PTPRM: variants seen among roughly 807,000 people sequenced by gnomAD.
PTPRM encodes the protein protein tyrosine phosphatase receptor type M, also known as receptor-type tyrosine-protein phosphatase mu.
Under a neutral mutation model 186.7 loss-of-function variants are expected in PTPRM, and 47 were observed. The observed-to-expected ratio is 0.25, with a 90% CI of 0.20 to 0.32. The LOEUF is 0.32. PTPRM is among the 10% of genes least tolerant of loss of function. The probability of loss-of-function intolerance (pLI) is 1.00; values close to 1 mark genes in which losing one functional copy is unlikely to be tolerated. For synonymous variants in PTPRM, 668 were observed against 674.9 expected (o/e 0.99, Z 0.16); for missense variants, 1,494 against 1,865.0 (o/e 0.80, Z 3.66).
intron 22 of PTPRM, among the ~76,000 whole-genome samples, chr18:8,337,378 C>T (rs977818646): frequency 1.3e-5 from 2 of 152,122 alleles, no homozygotes. Context: ...CTGTTCTTAT[C>T]TTATCTCTAC....
At chr18:7,569,797 T>G (rs2143309594) in intron 1 of PTPRM, among the ~76,000 whole-genome samples, 1 of 152,340 alleles carries the variant, frequency 6.6e-6, no homozygotes, top group South Asian at 2.1e-4. Context: ...CTACTAAAAT[T>G]TAGCCTGATT....
At chr18:8,322,525 G>A (rs565956609) in intron 22 of PTPRM, among the ~76,000 whole-genome samples, 2 of 152,248 alleles carry the variant, frequency 1.3e-5, no homozygotes, top group East Asian at 3.9e-4. Context: ...CAAGATTTAT[G>A]ATTTAGCAAA....
At chr18:7,686,995 G>T (rs2039617647) in intron 1 of PTPRM, among the ~76,000 whole-genome samples, 1 of 152,178 alleles carries the variant, frequency 6.6e-6, no homozygotes, top group Admixed American at 6.5e-5. Flanking sequence ...AATATAAGCT[G>T]TCGTAGAAAG....
chr18:7,814,913 C>T (rs983704086), intron 2 of PTPRM: 1 of 152,176 alleles, frequency 6.6e-6, no homozygotes, highest in African/African-American at 2.4e-5. Context: ...TTTACCCTCC[C>T]AGTCTTAAAT....
At position 8,211,058 on chromosome 18, in the gene PTPRM, A is replaced by T. The variant is rs72897918; in HGVS notation, c.2301-33000A>T. On this transcript the variant is annotated intron_variant, in intron 14 of 32. Coordinates refer to ENST00000580170, the MANE Select transcript of PTPRM (RefSeq NM_001105244.2). Reference sequence around the variant, plus strand: ...AAGAAATCCACACTCATCGATTCAGATAGGATCAAAATCCTCACTGGAACG... The same window carrying T: ...AAGAAATCCACACTCATCGATTCAGTTAGGATCAAAATCCTCACTGGAACG... 5.8e-3 allele frequency among the ~76,000 whole-genome samples: 890 copies of T among 152,328 alleles called. 1 individual carries two copies. Among genetic ancestry groups the T allele is most frequent in the Non-Finnish European group, 9.7e-3 (659 of 68,026 alleles).
At chr18:8,024,681 C>CTTTTTTTT (rs397724573) in intron 7 of PTPRM, among the ~76,000 whole-genome samples, 17 of 124,810 alleles carry the variant, frequency 1.4e-4, no homozygotes, top group Non-Finnish European at 1.6e-4. Context: ...AAACCCAAAT[C>CTTTTTTTT]TTTTTTTTTT....
chr18:7,697,891 T>C (rs1258278999), intron 1 of PTPRM, among the ~76,000 whole-genome samples: 3 of 152,138 alleles, frequency 2.0e-5, no homozygotes, highest in Non-Finnish European at 4.4e-5. Context: ...CTCCAGAAAA[T>C]GCTCCTAAGT....
chr18:7,628,487 T>A (rs56411522), intron 1 of PTPRM, among the ~76,000 whole-genome samples: 13,056 of 152,280 alleles, frequency 0.086, 802 homozygotes, highest in South Asian at 0.2. Flanking sequence ...CGTTTGTCTT[T>A]TGCCATTTTT....
At chr18:8,353,727 A>G (rs1455079411) in intron 23 of PTPRM, among the ~76,000 whole-genome samples, 2 of 152,172 alleles carry the variant, frequency 1.3e-5, no homozygotes, top group Non-Finnish European at 2.9e-5. Flanking sequence ...AAGAAGCTGA[A>G]TGAGCAATAA....
chr18:8,260,621 G>A (rs1254265812), intron 19 of PTPRM, among the ~76,000 whole-genome samples: 1 of 152,030 alleles, frequency 6.6e-6, no homozygotes, highest in Non-Finnish European at 1.5e-5. Context: ...GCCACACCAG[G>A]GACCAGATTT....
At position 7,908,268 on chromosome 18, in the gene PTPRM, G is replaced by C. The variant is rs79384787; in HGVS notation, c.547+1685G>C. 4.6e-5 allele frequency among the ~76,000 whole-genome samples: 7 copies of C among 152,306 alleles called. No individual in the cohort carries two copies. The East Asian group carries it at 1.2e-3, about 25-fold the overall frequency. Reference sequence around the variant, plus strand: ...CCAGACTTCAAATTTTTGGCCATCTGAGGGATGATAACCTGCTTTATTTTT... The same window carrying C: ...CCAGACTTCAAATTTTTGGCCATCTCAGGGATGATAACCTGCTTTATTTTT... On this transcript the variant is annotated intron_variant, in intron 4 of 32. Coordinates refer to ENST00000580170, the MANE Select transcript of PTPRM (RefSeq NM_001105244.2).
chr18:8,367,636 C>T (rs976998104), intron 23 of PTPRM, among the ~76,000 whole-genome samples: 28 of 152,214 alleles, frequency 1.8e-4, no homozygotes, highest in African/African-American at 6.5e-4. Flanking sequence ...GAACTGGGTG[C>T]GGGGGGACAG....
intron 4 of PTPRM, among the ~76,000 whole-genome samples, chr18:7,922,879 G>T (rs748786141): frequency 9.9e-5 from 15 of 152,086 alleles, no homozygotes; most frequent in Non-Finnish European, 1.8e-4. Context: ...AATAATGGGG[G>T]ATGTTTCCGT....
intron 4 of PTPRM, 41 bp downstream of exon 4, chr18:7,906,624 G>T: frequency 6.9e-6 from 10 of 1,440,668 alleles, no homozygotes; most frequent in Non-Finnish European, 9.8e-6. Flanking sequence ...TACATCATTG[G>T]GGGCATGTTT....
chr18:8,397,668 C>A (rs552772345), intron 32 of PTPRM, among the ~76,000 whole-genome samples: 1 of 152,300 alleles, frequency 6.6e-6, no homozygotes, highest in South Asian at 2.1e-4. Context: ...GCCTGAGATT[C>A]CCCACGACTC....
At chr18:8,365,999 C>T (rs1418620476) in intron 23 of PTPRM, among the ~76,000 whole-genome samples, 2 of 152,108 alleles carry the variant, frequency 1.3e-5, no homozygotes, top group Admixed American at 6.5e-5. Flanking sequence ...GAGAGGGGGG[C>T]TTCAATAAAC....
chr18:7,912,169 C>T (rs1275857860), intron 4 of PTPRM, among the ~76,000 whole-genome samples: 1 of 152,014 alleles, frequency 6.6e-6, no homozygotes, highest in African/African-American at 2.4e-5. Flanking sequence ...TCAATTCTTA[C>T]TTACAGGTCT....
In PTPRM at chr18:8,343,346, T is replaced by C; in HGVS notation, c.2957-77T>C. 6 of 1,222,204 alleles carry C rather than the reference T, an allele frequency of 4.9e-6. No individual in the cohort carries two copies. In the East Asian group the frequency reaches 9.3e-5, roughly 19 times the overall value. The allele number at this position is 1,222,204 out of a possible 1,614,324, so 75.7% of individuals were successfully genotyped here. On this transcript the variant is annotated intron_variant, in intron 22 of 32. Coordinates refer to ENST00000580170, the MANE Select transcript of PTPRM (RefSeq NM_001105244.2). ...GGAACTGCATGTGGGTATTAATAGA[T>C]GTATTTGTAAGCCCCGGAAATTTTC... is the stretch of plus-strand genomic sequence containing the variant.
chr18:8,038,380 A>ATT (rs10708528), intron 7 of PTPRM, among the ~76,000 whole-genome samples: 3,250 of 124,322 alleles, frequency 0.026, 147 homozygotes, highest in African/African-American at 0.079. Flanking sequence ...TAGCTTTTAG[A>ATT]TTTTTTTTTT....
Sources: allele counts gnomAD v4.1 joint callset (sites outside exome capture counted in the v4.1 genomes callset), GRCh38; gene constraint gnomAD v4.1.1; transcripts MANE v1.5; gene names NCBI Gene and HGNC (gene_info 2026-07-23, HGNC 2026-07-21).